SPIN1: variants seen among roughly 807,000 people sequenced by gnomAD.
The protein encoded by SPIN1 is spindlin-1.
In SPIN1, 3 loss-of-function variants were observed where a neutral mutation model predicts 26.0. That is an observed-to-expected ratio of 0.12 (90% CI 0.05 to 0.30). The LOEUF is 0.30. Among genes scored for constraint, SPIN1 ranks in the 10% least tolerant of loss-of-function variants. The probability of loss-of-function intolerance (pLI) is 1.00; values close to 1 mark genes in which losing one functional copy is unlikely to be tolerated. For missense variants in SPIN1, 126 were observed against 333.4 expected (o/e 0.38, Z 4.84); for synonymous variants, 101 against 116.5 (o/e 0.87, Z 0.86).
At chr9:88,452,857 G>C (rs149894662) in intron 3 of SPIN1, among the ~76,000 whole-genome samples, 9 of 152,248 alleles carry the variant, frequency 5.9e-5, no homozygotes, top group African/African-American at 2.2e-4. Context: ...ATCTACTGTA[G>C]CCCAGAGTAG....
intron 1 of SPIN1, chr9:88,389,479 T>A (rs149326228): frequency 6.6e-6 from 1 of 152,348 alleles, no homozygotes; most frequent in East Asian, 1.9e-4. Context: ...ATGGAATTGT[T>A]TTTACATTTA....
rs562681759 is a variant in SPIN1 at position 88,408,237 on chromosome 9, G to C, written c.-158-18145G>C. ...TTCATTAGTTTCGAAAAGTTGACAG[G>C]CAATTTCTGCTATCCCCCCTTTACC... is the stretch of plus-strand genomic sequence containing the variant. On this transcript the variant is annotated intron_variant, in intron 1 of 5. Transcript: ENST00000375859. Among the ~76,000 whole-genome samples the C allele has an allele frequency of 3.3e-5, 5 of 151,650 alleles. No individual in the cohort carries two copies. In the South Asian group the frequency reaches 8.3e-4, roughly 25 times the overall value.
At chr9:88,405,372 G>T (rs1039335734) in intron 1 of SPIN1, among the ~76,000 whole-genome samples, 1 of 151,126 alleles carries the variant, frequency 6.6e-6, no homozygotes, top group Non-Finnish European at 1.5e-5. Flanking sequence ...GGGATTACTG[G>T]CATGCGCCAC....
chr9:88,446,346 G>A (rs1414442573), intron 2 of SPIN1, among the ~76,000 whole-genome samples: 1 of 150,450 alleles, frequency 6.6e-6, no homozygotes, highest in Non-Finnish European at 1.5e-5. Context: ...TCAATGTGTT[G>A]CAAGTGGAAG....
intron 1 of SPIN1, among the ~76,000 whole-genome samples, chr9:88,399,552 G>A (rs1422271712): frequency 6.6e-6 from 1 of 152,114 alleles, no homozygotes; most frequent in Non-Finnish European, 1.5e-5. Flanking sequence ...TGTAGCCCAG[G>A]AGGCAGAGAA....
intron 4 of SPIN1, 91 bp downstream of exon 4, chr9:88,462,840 T>A: frequency 7.3e-7 from 1 of 1,374,944 alleles, no homozygotes. Flanking sequence ...ATACTTCACT[T>A]TTATTGGAAC....
rs567886651 is a variant in SPIN1 at position 88,431,009 on chromosome 9, A to G, written c.52+4418A>G. On this transcript the variant is annotated intron_variant, in intron 2 of 5. Transcript: ENST00000375859. ...GTGATTCTGCTGCCTCAGCCTCCCAAGTGGCTGGGATTACAGGCATGCACC... is the reference window on the plus strand; with the variant it reads ...GTGATTCTGCTGCCTCAGCCTCCCAGGTGGCTGGGATTACAGGCATGCACC... Among the ~76,000 whole-genome samples, 5 of 151,700 alleles carry G rather than the reference A, an allele frequency of 3.3e-5. No homozygotes were observed. The East Asian group carries it at 7.8e-4, about 24-fold the overall frequency.
chr9:88,457,447 G>C (rs563300639), intron 3 of SPIN1, among the ~76,000 whole-genome samples: 1 of 151,932 alleles, frequency 6.6e-6, no homozygotes, highest in Non-Finnish European at 1.5e-5. Flanking sequence ...CGAGAATCAC[G>C]TGAACCTGGG....
At chr9:88,396,074 A>C (rs1383749546) in intron 1 of SPIN1, among the ~76,000 whole-genome samples, 1 of 148,244 alleles carries the variant, frequency 6.7e-6, no homozygotes, top group African/African-American at 2.5e-5. Context: ...CAACAAAAAA[A>C]CCCGTCTCTA....
intron 1 of SPIN1, among the ~76,000 whole-genome samples, chr9:88,411,973 C>T (rs1190213197): frequency 6.6e-6 from 1 of 150,808 alleles, no homozygotes; most frequent in African/African-American, 2.4e-5. Context: ...AGATCGAGAC[C>T]ATCCTGGCTA....
At chr9:88,449,611 A>G (rs542043128) in intron 3 of SPIN1, among the ~76,000 whole-genome samples, 1 of 152,270 alleles carries the variant, frequency 6.6e-6, no homozygotes, top group South Asian at 2.1e-4. Context: ...ACATAGTTAC[A>G]TCCAAAAAAG....
rs1357671031 is a variant in SPIN1, at chr9:88,476,383, A to T, written c.*1106A>T. On this transcript the variant is annotated 3_prime_UTR_variant, in exon 6 of 6. Transcript: ENST00000375859. ...GTTTTATTACTATTATTGCTAATGT[A>T]TGATTATGGTCAGAGACTTTCAACC... 6.6e-6 allele frequency: 1 copy of T among 152,216 alleles called. No homozygotes were observed. The highest frequency in any genetic ancestry group is 1.9e-4 in the East Asian group (1 of 5,202). 9.4% of individuals were successfully genotyped at this position (152,216 alleles called of 1,614,324 possible).
chr9:88,465,594 C>T (rs2118203642), intron 4 of SPIN1, among the ~76,000 whole-genome samples: 1 of 152,258 alleles, frequency 6.6e-6, no homozygotes, highest in South Asian at 2.1e-4. Flanking sequence ...TGTAAATCAT[C>T]TTTGGGGAAA....
intron 1 of SPIN1, chr9:88,411,603 T>TC: frequency 1.8e-6 from 1 of 546,208 alleles, no homozygotes; most frequent in Non-Finnish European, 3.2e-6. Context: ...AGCCTTGGCC[T>TC]CCTGGGCTCA....
intron 2 of SPIN1, among the ~76,000 whole-genome samples, chr9:88,442,934 A>C (rs886806940): frequency 6.6e-6 from 1 of 151,434 alleles, no homozygotes; most frequent in African/African-American, 2.4e-5. Context: ...AGCCTGACCA[A>C]CATGGTGAAA....
chr9:88,424,217 T>C (rs1381386368), intron 1 of SPIN1, among the ~76,000 whole-genome samples: 3 of 152,176 alleles, frequency 2.0e-5, no homozygotes, highest in African/African-American at 2.4e-5. Context: ...ACTGATCAGT[T>C]AGTCAATTTG....
intron 1 of SPIN1, among the ~76,000 whole-genome samples, chr9:88,406,839 T>C (rs1827321031): frequency 2.0e-5 from 3 of 152,172 alleles, no homozygotes; most frequent in Admixed American, 1.3e-4. Flanking sequence ...AAATCTAATA[T>C]TATTTGATAC....
chr9:88,434,107 A>G (rs1390039611), intron 2 of SPIN1, among the ~76,000 whole-genome samples: 1 of 152,192 alleles, frequency 6.6e-6, no homozygotes, highest in Non-Finnish European at 1.5e-5. Context: ...TTCTAATCCA[A>G]ATGAGCTGCT....
intron 2 of SPIN1, among the ~76,000 whole-genome samples, chr9:88,428,579 C>G (rs1827804705): frequency 6.6e-6 from 1 of 152,094 alleles, no homozygotes; most frequent in South Asian, 2.1e-4. Flanking sequence ...TGTGAGGAAC[C>G]TAGCAGGCTG....
Sources: allele counts gnomAD v4.1 joint callset (sites outside exome capture counted in the v4.1 genomes callset), GRCh38; gene constraint gnomAD v4.1.1; transcripts MANE v1.5; gene names NCBI Gene and HGNC (gene_info 2026-07-23, HGNC 2026-07-21).